Variants in ST7 observed in about 807,000 individuals in gnomAD.
ST7 encodes suppression of tumorigenicity 7, also known as suppressor of tumorigenicity 7 protein.
A neutral mutation model predicts 78.7 loss-of-function variants in ST7; 28 were observed. The observed-to-expected ratio is 0.36, with a 90% CI of 0.26 to 0.49. The LOEUF (loss-of-function observed/expected upper bound fraction) is 0.49. Ranked by LOEUF, ST7 falls within the 20% of genes least tolerant of loss-of-function variation. The pLI, the probability that ST7 is intolerant of heterozygous loss-of-function variation, is 0.99. For missense variants in ST7, 418 were observed against 696.0 expected (o/e 0.60, Z 4.49); for synonymous variants, 247 against 249.6 (o/e 0.99, Z 0.10).
At chr7:117,030,633 T>C (rs778014055) in intron 1 of ST7, among the ~76,000 whole-genome samples, 1 of 152,094 alleles carries the variant, frequency 6.6e-6, no homozygotes, top group Non-Finnish European at 1.5e-5. Context: ...AAAGCCACAA[T>C]GACATACCAT....
intron 12 of ST7, among the ~76,000 whole-genome samples, chr7:117,207,150 T>TTG (rs916499590): frequency 5.0e-5 from 1 of 19,832 alleles, no homozygotes; most frequent in African/African-American, 1.2e-4. Context: ...TTTCTTTTCA[T>TTG]TTTTTTTTTT....
intron 1 of ST7, among the ~76,000 whole-genome samples, chr7:116,990,689 T>C (rs1459718623): frequency 6.6e-6 from 1 of 152,194 alleles, no homozygotes; most frequent in African/African-American, 2.4e-5. Flanking sequence ...CAGCTTTCCA[T>C]GACCCTTTAA....
chr7:117,105,978 T>G (rs952547372), intron 2 of ST7, among the ~76,000 whole-genome samples: 2 of 145,114 alleles, frequency 1.4e-5, no homozygotes, highest in African/African-American at 2.7e-5. Context: ...GAAATGTTTT[T>G]TGTTTTTGTT....
intron 9 of ST7, among the ~76,000 whole-genome samples, chr7:117,167,050 ATTCT>A (rs953866102): frequency 9.8e-5 from 14 of 143,574 alleles, no homozygotes; most frequent in Non-Finnish European, 1.5e-4. Flanking sequence ...GATGGTAATG[ATTCT>A]TTTTTTTTTT....
chr7:116,964,002 T>C (rs913085681), intron 1 of ST7, among the ~76,000 whole-genome samples: 1 of 152,200 alleles, frequency 6.6e-6, no homozygotes, highest in African/African-American at 2.4e-5. Context: ...TAAAGGACTT[T>C]AAAGGCATCT....
intron 1 of ST7, among the ~76,000 whole-genome samples, chr7:117,042,708 T>C (rs1797291676): frequency 6.6e-6 from 1 of 152,192 alleles, no homozygotes; most frequent in Non-Finnish European, 1.5e-5. Context: ...TTATGGCTTT[T>C]GTTTTGTGAC....
At chr7:117,064,988 T>G (rs1196787078) in intron 1 of ST7, among the ~76,000 whole-genome samples, 3 of 152,178 alleles carry the variant, frequency 2.0e-5, no homozygotes, top group Non-Finnish European at 4.4e-5. Flanking sequence ...TTTGGGTGTA[T>G]CTCTTAAACT....
At chr7:117,108,092 A>G (rs957645342) in intron 2 of ST7, among the ~76,000 whole-genome samples, 2 of 151,936 alleles carry the variant, frequency 1.3e-5, no homozygotes, top group Non-Finnish European at 2.9e-5. Context: ...TTTTTAGTTT[A>G]ATTAAGTCCC....
intron 2 of ST7, among the ~76,000 whole-genome samples, chr7:117,104,260 G>C (rs1469356502): frequency 6.6e-6 from 1 of 152,198 alleles, no homozygotes; most frequent in Non-Finnish European, 1.5e-5. Context: ...GGCCAACATG[G>C]TGAAACCCTG....
intron 9 of ST7, among the ~76,000 whole-genome samples, chr7:117,167,869 A>G (rs1376366191): frequency 6.6e-6 from 1 of 152,156 alleles, no homozygotes; most frequent in Non-Finnish European, 1.5e-5. Context: ...GAGGGTGTCC[A>G]CGGGAGCAAT....
chr7:117,151,611 ATTTAC>A (rs1806253612), intron 9 of ST7, among the ~76,000 whole-genome samples: 1 of 151,812 alleles, frequency 6.6e-6, no homozygotes. Flanking sequence ...TTATTTGTTT[ATTTAC>A]TTATTTATTG....
chr7:117,109,676 C>G (rs1182788056), intron 2 of ST7, among the ~76,000 whole-genome samples: 1 of 152,154 alleles, frequency 6.6e-6, no homozygotes, highest in Non-Finnish European at 1.5e-5. Context: ...AAGGAATCCT[C>G]CCTAAATTAT....
intron 1 of ST7, among the ~76,000 whole-genome samples, chr7:116,990,815 C>T (rs974685090): frequency 6.6e-6 from 1 of 152,158 alleles, no homozygotes; most frequent in African/African-American, 2.4e-5. Flanking sequence ...ATATACTTTA[C>T]TAATGTCTTT....
intron 1 of ST7, chr7:116,967,615 A>C (rs544074260): frequency 2.9e-6 from 1 of 348,468 alleles, no homozygotes; most frequent in African/African-American, 2.1e-5. Context: ...GTCATTTACC[A>C]GTTCTGTGAT....
chr7:117,063,385 G>A (rs1798455942), intron 1 of ST7, among the ~76,000 whole-genome samples: 1 of 152,180 alleles, frequency 6.6e-6, no homozygotes, highest in African/African-American at 2.4e-5. Context: ...GATAGGACAT[G>A]GAGAAAGATT....
chr7:117,170,749 G>A, intron 9 of ST7, 113 bp from the exon 10 acceptor site: 1 of 346,758 alleles, frequency 2.9e-6, no homozygotes, highest in Non-Finnish European at 5.0e-6. Flanking sequence ...TTTACTTTGT[G>A]TATATATATC....
intron 1 of ST7, among the ~76,000 whole-genome samples, chr7:117,021,185 A>G (rs1795893557): frequency 6.6e-6 from 1 of 152,042 alleles, no homozygotes; most frequent in Admixed American, 6.6e-5. Context: ...GCTGGCTAGC[A>G]TCACAGTCCA....
At chr7:117,056,691 G>A (rs898386893) in intron 1 of ST7, among the ~76,000 whole-genome samples, 7 of 151,862 alleles carry the variant, frequency 4.6e-5, no homozygotes, top group African/African-American at 1.7e-4. Flanking sequence ...AGAAGAAAGT[G>A]TAAAGTAGAA....
At chr7:117,177,591 G>A (rs563272527) in intron 10 of ST7, among the ~76,000 whole-genome samples, 18 of 152,238 alleles carry the variant, frequency 1.2e-4, no homozygotes, top group Admixed American at 3.9e-4. Context: ...AGCGTAAGAC[G>A]AATTTTTCTG....
Sources: gnomAD v4.1 joint callset for allele counts (sites outside exome capture counted in the v4.1 genomes callset) on GRCh38, gnomAD v4.1.1 for gene constraint, MANE v1.5 for transcripts, NCBI Gene and HGNC (gene_info 2026-07-23, HGNC 2026-07-21) for gene names.